Variants in TFG observed in about 807,000 individuals in gnomAD.
TFG encodes the protein protein TFG.
A neutral mutation model predicts 51.4 loss-of-function variants in TFG; 22 were observed. The ratio of observed to expected loss-of-function variants is 0.43; its 90% CI spans 0.31 to 0.61. The LOEUF (loss-of-function observed/expected upper bound fraction) is 0.61, where lower values mean the gene tolerates loss of function less well. Among genes scored for constraint, TFG ranks in the 20% least tolerant of loss-of-function variants. The probability of loss-of-function intolerance (pLI) is 0.12; values close to 1 mark genes in which losing one functional copy is unlikely to be tolerated. For synonymous variants in TFG, 187 were observed against 165.6 expected (o/e 1.13, Z -0.99); for missense variants, 419 against 487.7 (o/e 0.86, Z 1.33).
chr3:100,738,162 TGAATCAGTGGTTTGCGAA>T (rs2095111811), intron 6 of TFG, among the ~76,000 whole-genome samples: 1 of 152,312 alleles, frequency 6.6e-6, no homozygotes, highest in Non-Finnish European at 1.5e-5. Flanking sequence ...ATTTTGCTGA[TGAATCAGTGGTTTGCGAA>T]GAATTTCTTA....
chr3:100,737,142 G>T (rs2095108823), intron 6 of TFG, among the ~76,000 whole-genome samples: 1 of 151,900 alleles, frequency 6.6e-6, no homozygotes, highest in Admixed American at 6.6e-5. Flanking sequence ...GTTGTAGTGG[G>T]TTTTTTTTGT....
intron 6 of TFG, among the ~76,000 whole-genome samples, chr3:100,738,987 T>C (rs1055738180): frequency 6.6e-4 from 101 of 152,136 alleles, no homozygotes; most frequent in African/African-American, 2.4e-3. Flanking sequence ...AAACAACATA[T>C]CACATTTCAA....
intron 3 of TFG, among the ~76,000 whole-genome samples, chr3:100,724,618 A>T (rs1390258265): frequency 1.3e-5 from 2 of 152,212 alleles, no homozygotes; most frequent in African/African-American, 2.4e-5. Flanking sequence ...TGTGGGGTTA[A>T]TATAACATTA....
intron 3 of TFG, among the ~76,000 whole-genome samples, chr3:100,721,712 C>CA (rs1416411570): frequency 6.6e-6 from 1 of 152,176 alleles, no homozygotes; most frequent in Non-Finnish European, 1.5e-5. Context: ...TTCTCACAGA[C>CA]AAAACCGTAA....
Position 100,713,910 on chromosome 3 carries a change from A to ATT in TFG, c.184+41_184+42insTT, listed in dbSNP as rs748038848. 3.9e-6 allele frequency: 4 copies of ATT among 1,027,314 alleles called. No homozygotes were observed. The African/African-American group carries it at 5.2e-5, about 13-fold the overall frequency. 63.6% of individuals were successfully genotyped at this position (1,027,314 alleles called of 1,614,324 possible). A position where few individuals can be genotyped will look rare whatever the true frequency, so the allele number is the denominator to read the frequency against. On this transcript the variant is annotated intron_variant, in intron 2 of 7. Coordinates refer to ENST00000240851, the MANE Select transcript of TFG (RefSeq NM_006070.6). ...AAGCTATTTTTTAAAGTCTTTTTAA[A>ATT]AAAAAAAAAAAAAAGACAGAGCCTC... is the stretch of plus-strand genomic sequence containing the variant.
chr3:100,720,160 C>G, intron 3 of TFG, 102 bp downstream of exon 3: 1 of 636,842 alleles, frequency 1.6e-6, no homozygotes, highest in Non-Finnish European at 2.7e-6. Context: ...ATAACTTATT[C>G]AAATATTATT....
Position 100,728,526 on chromosome 3 carries a change from C to CT in TFG, c.269-179dup, listed in dbSNP as rs200661886. On this transcript the variant is annotated intron_variant, in intron 3 of 7. Coordinates refer to ENST00000240851, the MANE Select transcript of TFG (RefSeq NM_006070.6). ...GCATCAAGAAAGACTGATAATTCTG[C>CT]TTTTTTTCCAAAATAAGTTATTAGC... Among the ~76,000 whole-genome samples, 4,486 of 151,242 alleles carry CT rather than the reference C, an allele frequency of 0.03. 182 individuals are homozygous for CT. The highest frequency in any genetic ancestry group is 0.092 in the African/African-American group (3,792 of 41,212).
chr3:100,746,511 A>T (rs1423287047), intron 7 of TFG, among the ~76,000 whole-genome samples: 2 of 151,342 alleles, frequency 1.3e-5, no homozygotes, highest in African/African-American at 4.9e-5. Flanking sequence ...CTATGTATTA[A>T]AAAAAAAACT....
chr3:100,721,143 A>G (rs902684016), intron 3 of TFG, among the ~76,000 whole-genome samples: 2 of 152,230 alleles, frequency 1.3e-5, no homozygotes, highest in African/African-American at 2.4e-5. Flanking sequence ...ATACTTAACT[A>G]TTGACTAGGC....
At chr3:100,747,629 C>T (rs1489412716) in intron 7 of TFG, among the ~76,000 whole-genome samples, 1 of 152,108 alleles carries the variant, frequency 6.6e-6, no homozygotes, top group Admixed American at 6.5e-5. Context: ...AGGCAAAAAA[C>T]ATCAGATACC....
In TFG at chr3:100,744,914, A is replaced by G. The variant is rs2095131025; in HGVS notation, c.803A>G (p.Tyr268Cys). ...GCTCCACCTCAGCAGCCTCAACAGT[A>G]TGGTATTCAGTATTCAGGTGAGCAG... ...PQAPPQQPQQ[Y>C]GIQYSASYSQ... The change falls in exon 7 of 8, where the codon TAT (tyrosine) becomes TGT (cysteine). Residue 268 changes from tyrosine to cysteine, a missense_variant. Tyr to Cys is a radical substitution (Grantham distance 194). Transcript: ENST00000240851. The G allele has an allele frequency of 6.2e-7, 1 of 1,612,594 alleles. No individual in the cohort carries two copies. Among genetic ancestry groups the G allele is most frequent in the South Asian group, 1.1e-5 (1 of 90,906 alleles).
chr3:100,740,629 C>G (rs2149092163), intron 6 of TFG, among the ~76,000 whole-genome samples: 1 of 152,146 alleles, frequency 6.6e-6, no homozygotes, highest in Non-Finnish European at 1.5e-5. Flanking sequence ...TTTCTAATTT[C>G]TAAGAATATA....
At chr3:100,739,491 G>A (rs187245034) in intron 6 of TFG, among the ~76,000 whole-genome samples, 1 of 152,184 alleles carries the variant, frequency 6.6e-6, no homozygotes, top group Non-Finnish European at 1.5e-5. Flanking sequence ...AACTGGTAAG[G>A]AGAAGAACGC....
At chr3:100,731,977 A>G (rs1201231495) in intron 4 of TFG, among the ~76,000 whole-genome samples, 1 of 152,212 alleles carries the variant, frequency 6.6e-6, no homozygotes, top group African/African-American at 2.4e-5. Context: ...TTAATGTGCT[A>G]TTTATGGAAG....
chr3:100,739,922 G>A (rs531687789), intron 6 of TFG, among the ~76,000 whole-genome samples: 1 of 152,168 alleles, frequency 6.6e-6, no homozygotes, highest in Admixed American at 6.5e-5. Flanking sequence ...GTACTGGCTT[G>A]ATTACAGCTC....
At chr3:100,712,731 T>C (rs1345661505) in intron 1 of TFG, among the ~76,000 whole-genome samples, 1 of 152,230 alleles carries the variant, frequency 6.6e-6, no homozygotes, top group Non-Finnish European at 1.5e-5. Flanking sequence ...TATAAATTTT[T>C]AATGTCTGGT....
At chr3:100,713,295 GA>G (rs1176319890) in intron 1 of TFG, among the ~76,000 whole-genome samples, 1 of 152,138 alleles carries the variant, frequency 6.6e-6, no homozygotes, top group Non-Finnish European at 1.5e-5. Flanking sequence ...GATCAACCAA[GA>G]TTTTTTTGTC....
At chr3:100,720,747 T>C (rs558814645) in intron 3 of TFG, among the ~76,000 whole-genome samples, 1 of 152,356 alleles carries the variant, frequency 6.6e-6, no homozygotes, top group Non-Finnish European at 1.5e-5. Flanking sequence ...AAAATAGTTC[T>C]GATAAAAACC....
intron 4 of TFG, among the ~76,000 whole-genome samples, chr3:100,731,548 GT>G (rs1236562183): frequency 6.6e-6 from 1 of 152,138 alleles, no homozygotes; most frequent in Non-Finnish European, 1.5e-5. Flanking sequence ...AGTTTCAACA[GT>G]TACCAACTTA....
Sources: gnomAD v4.1 joint callset for allele counts (sites outside exome capture counted in the v4.1 genomes callset) on GRCh38, gnomAD v4.1.1 for gene constraint, MANE v1.5 for transcripts, NCBI Gene and HGNC (gene_info 2026-07-23, HGNC 2026-07-21) for gene names.